ABCA13: variants seen among roughly 807,000 people sequenced by gnomAD.
ABCA13 encodes ATP-binding cassette sub-family A member 13.
ABCA13 carries 476 observed loss-of-function variants against 478.7 expected under a neutral mutation model. The ratio of observed to expected loss-of-function variants is 0.99; its 90% CI spans 0.92 to 1.07. ABCA13 has a LOEUF of 1.07. Ranked by LOEUF, ABCA13 falls within the 50% of genes least tolerant of loss-of-function variation. The probability of loss-of-function intolerance (pLI) is 0.00; values close to 1 mark genes in which losing one functional copy is unlikely to be tolerated. For missense variants in ABCA13, 6,060 were observed against 5,910.6 expected, an observed-to-expected ratio of 1.03 and a Z score of -0.83; for synonymous variants, 2,252 against 2,158.9, an observed-to-expected ratio of 1.04 and a Z score of -1.20.
At chr7:48,601,927 A>C (rs1790932719) in intron 58 of ABCA13, among the ~76,000 whole-genome samples, 1 of 152,194 alleles carries the variant, frequency 6.6e-6, no homozygotes, top group South Asian at 2.1e-4. Context: ...AACTGGCCTG[A>C]GATGGTATCT....
intron 42 of ABCA13, among the ~76,000 whole-genome samples, chr7:48,437,723 C>T (rs1318033492): frequency 6.6e-6 from 1 of 152,032 alleles, no homozygotes; most frequent in Non-Finnish European, 1.5e-5. Flanking sequence ...GCCACTTCTC[C>T]TAATTTTTGC....
At position 48,520,066 on chromosome 7, in the gene ABCA13, T is replaced by C; in HGVS notation, c.13823T>C (p.Leu4608Pro). 6.2e-7 allele frequency: 1 copy of C among 1,613,192 alleles called. No homozygotes were observed. Among genetic ancestry groups the C allele is most frequent in the Non-Finnish European group, 8.5e-7 (1 of 1,179,486 alleles). The change falls in exon 53 of 62, where the codon CTC becomes CCC. Residue 4608 changes from leucine (L) to proline (P), a missense_variant. Physicochemically the swap from Leu to Pro is moderately conservative, Grantham distance 98. Coordinates refer to ENST00000435803, the MANE Select transcript of ABCA13 (RefSeq NM_152701.5). ...AATTTACAGAATATCTATGATGTCC[T>C]CAAGTGGGTCTTTACTATTTTTCCT... ...AKNLQNIYDV[L>P]KWVFTIFPQF...
At position 48,279,054 on chromosome 7, in the gene ABCA13, C is replaced by G; in HGVS notation, c.7860C>G (p.Ser2620Arg). Residue 2620 changes from serine to arginine, a missense_variant, in exon 18 of 62, where the codon AGC becomes AGG. By Grantham distance (110) the Ser-to-Arg change is moderately radical. Around this residue, in one of 3 missense-constraint regions of ABCA13, gnomAD observed 4,423 missense variants for 4,309.1 expected, o/e 1.03. Coordinates refer to ENST00000435803, the MANE Select transcript of ABCA13 (RefSeq NM_152701.5). ...SNSDIFSMSP[S>R]ILSYMNQSKD... Reference sequence around the variant, plus strand: ...CTGATATTTTCAGTATGTCACCTAGCATACTCTCATATATGAACCAATCTA... The same window carrying G: ...CTGATATTTTCAGTATGTCACCTAGGATACTCTCATATATGAACCAATCTA... 1 of 1,613,054 alleles carries G rather than the reference C, an allele frequency of 6.2e-7. No individual in the cohort carries two copies. Among genetic ancestry groups the G allele is most frequent in the Non-Finnish European group, 8.5e-7 (1 of 1,179,782 alleles).
At chr7:48,205,060 G>A (rs537226487) in intron 3 of ABCA13, among the ~76,000 whole-genome samples, 12 of 152,344 alleles carry the variant, frequency 7.9e-5, no homozygotes, top group African/African-American at 2.6e-4. Flanking sequence ...GCCTAGGCAT[G>A]TCTCTTGATG....
At chr7:48,227,657 G>C (rs1399515490) in intron 6 of ABCA13, among the ~76,000 whole-genome samples, 1 of 152,098 alleles carries the variant, frequency 6.6e-6, no homozygotes, top group Non-Finnish European at 1.5e-5. Context: ...ATTTAAAAAA[G>C]TCAGCGCCAT....
chr7:48,303,507 T>TGG (rs1800456842), intron 23 of ABCA13, among the ~76,000 whole-genome samples: 1 of 152,194 alleles, frequency 6.6e-6, no homozygotes, highest in African/African-American at 2.4e-5. Flanking sequence ...TGAGTTGATT[T>TGG]TTGTATAGCA....
intron 3 of ABCA13, among the ~76,000 whole-genome samples, chr7:48,214,478 T>C (rs1786143012): frequency 6.6e-6 from 1 of 152,200 alleles, no homozygotes; most frequent in African/African-American, 2.4e-5. Context: ...CCTCTCCGGT[T>C]AATGAAAGTC....
At chr7:48,529,809 G>A (rs1563399451) in intron 55 of ABCA13, among the ~76,000 whole-genome samples, 1 of 151,982 alleles carries the variant, frequency 6.6e-6, no homozygotes, top group Non-Finnish European at 1.5e-5. Flanking sequence ...ATTCATTTGT[G>A]AAAGTATTTT....
chr7:48,411,627 A>G (rs1585208993), intron 40 of ABCA13, among the ~76,000 whole-genome samples: 1 of 152,232 alleles, frequency 6.6e-6, no homozygotes, highest in East Asian at 1.9e-4. Flanking sequence ...TTTTTTGACA[A>G]CGATATTACC....
At position 48,615,386 on chromosome 7, in the gene ABCA13, A is replaced by C. The variant is rs368558216; in HGVS notation, c.14837+9A>C. 9 of 1,555,822 alleles carry C rather than the reference A, an allele frequency of 5.8e-6. No homozygotes were observed. The highest frequency in any genetic ancestry group is 7.8e-6 in the Non-Finnish European group (9 of 1,148,110). On this transcript the variant is annotated intron_variant, in intron 59 of 61. Transcript: ENST00000435803. ...CAGCACATCAAAAATAGGTGCGTTGAAGTTCTCCTTTTGCTTAGATATTTA... is the reference window on the plus strand; with the variant it reads ...CAGCACATCAAAAATAGGTGCGTTGCAGTTCTCCTTTTGCTTAGATATTTA...
chr7:48,416,657 G>A (rs922582294), intron 41 of ABCA13, among the ~76,000 whole-genome samples: 1 of 152,014 alleles, frequency 6.6e-6, no homozygotes, highest in Non-Finnish European at 1.5e-5. Flanking sequence ...AGAGTGCCCC[G>A]GGACCAAGGG....
At chr7:48,268,054 A>G (rs1238524694) in intron 15 of ABCA13, among the ~76,000 whole-genome samples, 1 of 152,172 alleles carries the variant, frequency 6.6e-6, no homozygotes, top group African/African-American at 2.4e-5. Flanking sequence ...ACTTTACTCA[A>G]TGACTAATGA....
rs200851445 is a variant in ABCA13 at position 48,580,345 on chromosome 7, C to T, written c.14476C>T (p.Arg4826Cys). 1.2e-4 allele frequency: 195 copies of T among 1,612,804 alleles called. 1 individual carries two copies. Among genetic ancestry groups the T allele is most frequent in the African/African-American group, 5.6e-4 (42 of 75,008 alleles). Residue 4826 changes from arginine (R) to cysteine (C), a missense_variant, in exon 56 of 62, where the codon CGC (arginine) becomes TGC (cysteine). Transcript: ENST00000435803. ...WEHLYYYCSL[R>C]GIPRQCIPEV... Reference sequence around the variant, plus strand: ...ACATCTCTATTATTACTGTAGCTTACGCGGGATTCCAAGGCAGTGCATCCC... The same window carrying T: ...ACATCTCTATTATTACTGTAGCTTATGCGGGATTCCAAGGCAGTGCATCCC...
At chr7:48,606,959 T>C (rs191532715) in intron 58 of ABCA13, among the ~76,000 whole-genome samples, 1 of 152,214 alleles carries the variant, frequency 6.6e-6, no homozygotes, top group Non-Finnish European at 1.5e-5. Flanking sequence ...TGAGCTGCAG[T>C]GGGCTCCACC....
intron 61 of ABCA13, among the ~76,000 whole-genome samples, chr7:48,644,968 T>G (rs1562590145): frequency 6.6e-6 from 1 of 152,174 alleles, no homozygotes; most frequent in African/African-American, 2.4e-5. Context: ...AGAGTTTCAA[T>G]TTGTTCATAT....
chr7:48,350,376 C>T (rs1390048056), intron 29 of ABCA13, among the ~76,000 whole-genome samples: 1 of 151,996 alleles, frequency 6.6e-6, no homozygotes, highest in Admixed American at 6.6e-5. Context: ...TTTCCTTAGG[C>T]TGCTGTATTA....
chr7:48,228,328 AT>A (rs1788549935), intron 6 of ABCA13, among the ~76,000 whole-genome samples: 1 of 152,110 alleles, frequency 6.6e-6, no homozygotes, highest in Admixed American at 6.5e-5. Context: ...ACACACCCTG[AT>A]TCCCTCTCAC....
At chr7:48,605,962 G>C (rs530995448) in intron 58 of ABCA13, among the ~76,000 whole-genome samples, 2 of 152,080 alleles carry the variant, frequency 1.3e-5, no homozygotes, top group South Asian at 2.1e-4. Flanking sequence ...TCATTGAATT[G>C]ATCTTCAGTC....
At chr7:48,550,558 CT>C (rs575240186) in intron 55 of ABCA13, among the ~76,000 whole-genome samples, 68 of 151,894 alleles carry the variant, frequency 4.5e-4, no homozygotes, top group African/African-American at 1.5e-3. Context: ...CAAGCCTGGT[CT>C]CTACTTTCTT....
Sources: allele counts gnomAD v4.1 joint callset (sites outside exome capture counted in the v4.1 genomes callset), GRCh38; gene constraint gnomAD v4.1.1; regional missense constraint gnomAD v4.1.1; transcripts MANE v1.5; gene names NCBI Gene and HGNC (gene_info 2026-07-23, HGNC 2026-07-21).